ELF1: variants seen among roughly 807,000 people sequenced by gnomAD.
ELF1 encodes the protein E74 like ETS transcription factor 1, also known as ETS-related transcription factor Elf-1.
A neutral mutation model predicts 59.9 loss-of-function variants in ELF1; 24 were observed. The observed-to-expected ratio is 0.40, with a 90% CI of 0.29 to 0.56. The LOEUF (loss-of-function observed/expected upper bound fraction) is 0.56, where lower values mean the gene tolerates loss of function less well. Ranked by LOEUF, ELF1 falls within the 20% of genes least tolerant of loss-of-function variation. The probability of loss-of-function intolerance (pLI) is 0.44; values close to 1 mark genes in which losing one functional copy is unlikely to be tolerated. For synonymous variants in ELF1, 248 were observed against 266.2 expected (o/e 0.93, Z 0.67); for missense variants, 627 against 742.2 (o/e 0.84, Z 1.80).
intron 1 of ELF1, among the ~76,000 whole-genome samples, chr13:41,034,805 A>AC (rs1040642497): frequency 7.3e-5 from 11 of 151,592 alleles, no homozygotes; most frequent in African/African-American, 2.7e-4. Flanking sequence ...AAAAAAAAAA[A>AC]AAAACCTTCA....
chr13:40,969,188 A>G (rs1293222482), intron 2 of ELF1, among the ~76,000 whole-genome samples: 1 of 152,202 alleles, frequency 6.6e-6, no homozygotes, highest in Non-Finnish European at 1.5e-5. Flanking sequence ...TTATACATAA[A>G]TGTATTTGGG....
At chr13:40,957,962 A>C (rs1008580721) in intron 3 of ELF1, among the ~76,000 whole-genome samples, 3 of 152,268 alleles carry the variant, frequency 2.0e-5, no homozygotes, top group African/African-American at 7.2e-5. Context: ...GGTAAAGCTG[A>C]GAACAAGGCA....
chr13:40,993,143 G>T lies in ELF1; in HGVS notation c.-228-10861C>A, dbSNP rs954071134. 3.2e-6 allele frequency: 5 copies of T among 1,542,704 alleles called. No individual in the cohort carries two copies. In the African/African-American group the frequency reaches 6.9e-5, roughly 21 times the overall value. On this transcript the variant is annotated intron_variant, in intron 1 of 8. Coordinates refer to ENST00000239882, the MANE Select transcript of ELF1 (RefSeq NM_172373.4). ...GGTTTTGGCATTCCTCTAGGACCTG[G>T]ATACTCTCCATTTTTGTAGTGTGTG...
chr13:40,937,432 G>A (rs183616405), intron 8 of ELF1, among the ~76,000 whole-genome samples: 40 of 152,256 alleles, frequency 2.6e-4, no homozygotes, highest in African/African-American at 8.7e-4. Flanking sequence ...AATAATTAAC[G>A]TGATTCAATT....
intron 8 of ELF1, 111 bp downstream of exon 8, chr13:40,940,810 T>G: frequency 7.9e-7 from 1 of 1,265,024 alleles, no homozygotes; most frequent in East Asian, 2.5e-5. Flanking sequence ...AATTCTAGCT[T>G]GAAACCTTTA....
At chr13:40,939,408 C>G (rs567219594) in intron 8 of ELF1, among the ~76,000 whole-genome samples, 6 of 152,220 alleles carry the variant, frequency 3.9e-5, no homozygotes, top group Admixed American at 3.9e-4. Context: ...TTTATTCTCA[C>G]AGTCTAAAAA....
At chr13:40,961,574 G>C (rs1871823706) in intron 2 of ELF1, among the ~76,000 whole-genome samples, 1 of 151,924 alleles carries the variant, frequency 6.6e-6, no homozygotes, top group Non-Finnish European at 1.5e-5. Flanking sequence ...GAAAAAAAAA[G>C]AAAGAAAAAA....
In ELF1 at chr13:41,043,475, T is replaced by C. The variant is rs994409309; in HGVS notation, c.-229+17363A>G. On this transcript the variant is annotated intron_variant, in intron 1 of 1. Transcript: ENST00000405737. The stretch of plus-strand genomic sequence containing the variant: ...AGTCTTTAATCCATCTTTAATTAAT[T>C]TTTTGTAAGGTATAAGGAAGGGATC... Among the ~76,000 whole-genome samples the C allele has an allele frequency of 1.1e-4, 16 of 152,320 alleles. 1 individual carries two copies. Among genetic ancestry groups the C allele is most frequent in the African/African-American group, 3.8e-4 (16 of 41,564 alleles).
At chr13:40,952,848 T>C (rs1870942704) in intron 3 of ELF1, among the ~76,000 whole-genome samples, 1 of 100,426 alleles carries the variant, frequency 1.0e-5, no homozygotes, top group African/African-American at 4.5e-5. Flanking sequence ...CTCAAGTCCT[T>C]ACCCTCTGTA....
intron 2 of ELF1, among the ~76,000 whole-genome samples, chr13:40,976,605 G>A (rs1162128484): frequency 2.0e-5 from 3 of 152,120 alleles, no homozygotes; most frequent in Non-Finnish European, 2.9e-5. Context: ...GCAATGGTGC[G>A]ATCTCAGCTC....
chr13:40,982,443 A>G (rs1873328973), intron 1 of ELF1, among the ~76,000 whole-genome samples, 161 bp from the exon 2 acceptor site: 1 of 151,920 alleles, frequency 6.6e-6, no homozygotes, highest in African/African-American at 2.4e-5. Flanking sequence ...TAAAAGTTAC[A>G]TATTTTATTT....
chr13:41,043,332 G>T (rs1876702585), intron 1 of ELF1, among the ~76,000 whole-genome samples: 1 of 152,086 alleles, frequency 6.6e-6, no homozygotes, highest in Admixed American at 6.6e-5. Context: ...GTCAATTTTG[G>T]CTTTTGTTGC....
intron 1 of ELF1, among the ~76,000 whole-genome samples, chr13:40,992,518 T>C (rs1873906774): frequency 6.6e-6 from 1 of 152,240 alleles, no homozygotes; most frequent in Admixed American, 6.5e-5. Context: ...ATTTCTGAAA[T>C]GAGATTTAAT....
intron 3 of ELF1, among the ~76,000 whole-genome samples, chr13:40,956,590 A>G (rs1206979954): frequency 5.3e-5 from 8 of 150,616 alleles, no homozygotes; most frequent in Admixed American, 2.6e-4. Context: ...AAAAAAAAAA[A>G]AAAAGAAAGT....
chr13:41,026,148 CAT>C (rs1875894577), intron 1 of ELF1, among the ~76,000 whole-genome samples: 1 of 152,104 alleles, frequency 6.6e-6, no homozygotes, highest in African/African-American at 2.4e-5. Flanking sequence ...AATGATAACA[CAT>C]AGCATGTCAG....
At chr13:40,950,531 C>T (rs1870788369) in intron 4 of ELF1, among the ~76,000 whole-genome samples, 1 of 152,038 alleles carries the variant, frequency 6.6e-6, no homozygotes, top group African/African-American at 2.4e-5. Context: ...ATCTTTAACT[C>T]CATTCCCTCC....
intron 1 of ELF1, among the ~76,000 whole-genome samples, chr13:41,042,583 T>G (rs1876663716): frequency 6.6e-6 from 1 of 152,126 alleles, no homozygotes; most frequent in African/African-American, 2.4e-5. Context: ...CTTGCGATAG[T>G]TTGCTGAGAA....
At chr13:40,969,114 A>C (rs1171727538) in intron 2 of ELF1, among the ~76,000 whole-genome samples, 2 of 152,206 alleles carry the variant, frequency 1.3e-5, no homozygotes, top group East Asian at 3.8e-4. Flanking sequence ...ATTGGTCTAA[A>C]TTATAAGAAC....
intron 6 of ELF1, 64 bp downstream of exon 6, chr13:40,943,778 T>A: frequency 2.2e-6 from 3 of 1,377,342 alleles, no homozygotes; most frequent in Non-Finnish European, 2.0e-6. Flanking sequence ...TTTCTAGTTA[T>A]AATAGGTAGG....
Sources: gnomAD v4.1 joint callset for allele counts (sites outside exome capture counted in the v4.1 genomes callset) on GRCh38, gnomAD v4.1.1 for gene constraint, MANE v1.5 for transcripts, NCBI Gene and HGNC (gene_info 2026-07-23, HGNC 2026-07-21) for gene names.